The following MAMDC4 variants were observed in gnomAD, a reference collection of about 807,000 sequenced individuals.
MAMDC4 encodes the protein apical endosomal glycoprotein.
MAMDC4 carries 168 observed loss-of-function variants against 153.3 expected under a neutral mutation model. The observed-to-expected ratio is 1.10, with a 90% CI of 0.97 to 1.25. MAMDC4 has a LOEUF of 1.25. Ranked by LOEUF, MAMDC4 falls within the 50% of genes most tolerant of loss-of-function variation. MAMDC4 has a pLI of 0.00. For synonymous variants in MAMDC4, 744 were observed against 651.5 expected (o/e 1.14, Z -2.16); for missense variants, 1,701 against 1,542.8 (o/e 1.10, Z -1.72).
In MAMDC4 at chr9:136,855,494, C is replaced by T. The variant is rs540925078; in HGVS notation, c.1346C>T (p.Pro449Leu). 7 of 1,598,788 alleles carry T rather than the reference C, an allele frequency of 4.4e-6. No homozygotes were observed. Among genetic ancestry groups the T allele is most frequent in the Non-Finnish European group, 6.0e-6 (7 of 1,173,208 alleles). ...PRAPAPQPLP[P>L]SSRLQDSCKQ... ...GCCCCAGCCCCCCAGCCCCTGCCGC[C>T]CAGCTCGCGGCTCCAGGATTCCTGC... The change falls in exon 12 of 27, where the codon CCC becomes CTC. Residue 449 changes from proline to leucine, a missense_variant. Transcript: ENST00000317446.
intron 7 of MAMDC4, 30 bp downstream of exon 7, chr9:136,854,366 G>A: frequency 6.6e-7 from 1 of 1,516,914 alleles, no homozygotes; most frequent in Non-Finnish European, 8.8e-7. Flanking sequence ...CCAGAGTGAG[G>A]CTGGGAGACT....
At chr9:136,858,155 C>T (rs1214573772) in intron 20 of MAMDC4, 31 bp from the exon 21 acceptor site, 16 of 1,549,986 alleles carry the variant, frequency 1.0e-5, no homozygotes, top group African/African-American at 5.5e-5. Flanking sequence ...TGCCTGGACC[C>T]GCTGAGGCTG....
chr9:136,857,544 G>T lies in MAMDC4; in HGVS notation c.2284G>T (p.Ala762Ser), dbSNP rs765868600. Residue 762 changes from alanine (A) to serine (S), a missense_variant, in exon 18 of 27, where the codon GCC (alanine) becomes TCC (serine). Physicochemically the swap from Ala to Ser is moderately conservative, Grantham distance 99. Coordinates refer to ENST00000317446, the MANE Select transcript of MAMDC4 (RefSeq NM_206920.3). ...RRQANASGHA[A>S]WGPPTDHTTE... ...GCAGGCCAATGCCTCGGGCCATGCT[G>T]CCTGGGGCCCCCCAACAGACCATAC... 6.2e-7 allele frequency: 1 copy of T among 1,611,678 alleles called. No individual in the cohort carries two copies. The highest frequency in any genetic ancestry group is 8.5e-7 in the Non-Finnish European group (1 of 1,179,968).
chr9:136,859,404 C>A, intron 25 of MAMDC4, 87 bp downstream of exon 25: 1 of 1,212,086 alleles, frequency 8.3e-7, no homozygotes, highest in Non-Finnish European at 1.1e-6. Flanking sequence ...AGTGTGTGGT[C>A]CCAGGAGCTG....
rs1168840644 is a variant in MAMDC4, at chr9:136,857,730, G to A, written c.2398G>A (p.Glu800Lys). 1.9e-6 allele frequency: 3 copies of A among 1,612,468 alleles called. No homozygotes were observed. The highest frequency in any genetic ancestry group is 2.7e-5 in the African/African-American group (2 of 74,874). ...CCAGACGGCCTCCCTGACCTCCAAG[G>A]AGCACAGGCCCCTGGCCCAGCCTGC... ...RGQTASLTSK[E>K]HRPLAQPACL... Residue 800 changes from glutamate to lysine, a missense_variant, in exon 19 of 27, where the codon GAG (glutamate) becomes AAG (lysine). Transcript: ENST00000317446.
intron 21 of MAMDC4, 48 bp from the exon 22 acceptor site, chr9:136,858,352 A>C (rs1240673447): frequency 1.2e-6 from 2 of 1,600,184 alleles, no homozygotes; most frequent in Admixed American, 1.7e-5. Context: ...CGTGGTGCCC[A>C]GGGCTTGGGC....
chr9:136,859,660 GA>G lies in MAMDC4; in HGVS notation c.3194-223del. The G allele has an allele frequency of 8.3e-6, 5 of 603,430 alleles. No homozygotes were observed. The South Asian group carries it at 1.0e-4, about 12-fold the overall frequency. 37.4% of individuals were successfully genotyped at this position (603,430 alleles called of 1,614,324 possible). A position where few individuals can be genotyped will look rare whatever the true frequency, so the allele number is the denominator to read the frequency against. ...CACTGACTGCTCTCACTTGGTGAGG[GA>G]AAGAATCTCGCCTGGGGCCATGAGC... On this transcript the variant is annotated intron_variant, in intron 25 of 26. Coordinates refer to ENST00000317446, the MANE Select transcript of MAMDC4 (RefSeq NM_206920.3).
intron 14 of MAMDC4, chr9:136,856,422 G>A (rs568735755): frequency 2.5e-6 from 2 of 790,690 alleles, no homozygotes; most frequent in African/African-American, 3.4e-5. Flanking sequence ...GCTGGAGCGG[G>A]CCCTGACTTA....
intron 1 of MAMDC4, 124 bp downstream of exon 1, chr9:136,852,586 G>C (rs1480467384): frequency 7.8e-7 from 1 of 1,286,526 alleles, no homozygotes; most frequent in Admixed American, 1.7e-5. Context: ...AGGGTTGCAA[G>C]GTACTACCTT....
At chr9:136,852,598 G>T in intron 1 of MAMDC4, 136 bp downstream of exon 1, 1 of 1,153,962 alleles carries the variant, frequency 8.7e-7, no homozygotes. Flanking sequence ...TACTACCTTG[G>T]CCGGCCTGCA....
chr9:136,858,930 T>C, intron 23 of MAMDC4, 75 bp from the exon 24 acceptor site: 2 of 1,531,046 alleles, frequency 1.3e-6, no homozygotes, highest in Non-Finnish European at 1.8e-6. Context: ...GGAGGTGGCC[T>C]CCCCAGCCCG....
Position 136,854,107 on chromosome 9 carries a change from C to G in MAMDC4, c.670+31C>G, listed in dbSNP as rs770209558. On this transcript the variant is annotated intron_variant, in intron 6 of 26. Transcript: ENST00000317446. The stretch of plus-strand genomic sequence containing the variant: ...GCACCGCCTCTTCCTGTTCCACCCC[C>G]GGGAGGGCCCCCACCTGCCCACTCC... The G allele has an allele frequency of 6.2e-6, 10 of 1,611,302 alleles. No homozygotes were observed. In the South Asian group the frequency reaches 6.6e-5, roughly 11 times the overall value.
chr9:136,852,640 C>A (rs1478989554), intron 1 of MAMDC4, among the ~76,000 whole-genome samples, 178 bp downstream of exon 1: 1 of 152,212 alleles, frequency 6.6e-6, no homozygotes, highest in Non-Finnish European at 1.5e-5. Flanking sequence ...CCCATGGGGT[C>A]CTCGGGCCTG....
rs199991285 is a variant in MAMDC4, at chr9:136,857,417, C to T, written c.2157C>T (p.Asp719=). 376 of 1,608,084 alleles carry T rather than the reference C, an allele frequency of 2.3e-4. No homozygotes were observed. Among genetic ancestry groups the T allele is most frequent in the Non-Finnish European group, 2.7e-4 (319 of 1,179,924 alleles). Residue 719 remains aspartate (D), a synonymous_variant, in exon 18 of 27, where the codon GAC becomes GAT. Transcript: ENST00000317446. ...GATACCACGGCACCATGGCGCTGGA[C>T]GATGTGGCCGTGCGGCCGGGCCCCT... ...RDGYHGTMAL[D]DVAVRPGPCW...
Position 136,853,135 on chromosome 9 carries a change from A to G in MAMDC4, c.80A>G (p.His27Arg). Residue 27 changes from histidine (H) to arginine (R), a missense_variant, in exon 2 of 27, where the codon CAC (histidine) becomes CGC (arginine). Coordinates refer to ENST00000317446, the MANE Select transcript of MAMDC4 (RefSeq NM_206920.3). ...TCAGGCTGGGCCTGGGTCCCCAACC[A>G]CTGCAGGAGCCCTGGCCAGGCCGTG... ...GSSGWAWVPN[H>R]CRSPGQAVCN... 1.2e-6 allele frequency: 2 copies of G among 1,612,670 alleles called. No individual in the cohort carries two copies. The highest frequency in any genetic ancestry group is 1.7e-6 in the Non-Finnish European group (2 of 1,179,906).
chr9:136,852,632 C>T (rs1435672237), intron 1 of MAMDC4, among the ~76,000 whole-genome samples, 170 bp downstream of exon 1: 1 of 152,206 alleles, frequency 6.6e-6, no homozygotes, highest in East Asian at 1.9e-4. Flanking sequence ...GGAATCAGCC[C>T]ATGGGGTCCT....
chr9:136,855,341 G>A lies in MAMDC4; in HGVS notation c.1282+3G>A. ...TGACCACTGCAGACCAGTCTCGGGT[G>A]AGCCTGCTGACTCTGCCCTACCCTG... On this transcript the variant is annotated splice_donor_region_variant and intron_variant, in intron 11 of 26. Coordinates refer to ENST00000317446, the MANE Select transcript of MAMDC4 (RefSeq NM_206920.3). 1 of 1,603,486 alleles carries A rather than the reference G, an allele frequency of 6.2e-7. No homozygotes were observed. Among genetic ancestry groups the A allele is most frequent in the South Asian group, 1.1e-5 (1 of 89,976 alleles).
Position 136,857,996 on chromosome 9 carries a change from C to T in MAMDC4, c.2482C>T (p.Leu828=), listed in dbSNP as rs765226773. The change falls in exon 20 of 27, where the codon CTG becomes TTG. Residue 828 remains leucine (L), a synonymous_variant. Coordinates refer to ENST00000317446, the MANE Select transcript of MAMDC4 (RefSeq NM_206920.3). ...LRSPGTLRVY[L]EERGRHQVLS... is the part of the protein sequence containing the mutation. ...GCTGGCAGGCACCCTGCGGGTCTAC[C>T]TGGAGGAGCGCGGGAGGCACCAGGT... The T allele has an allele frequency of 3.8e-5, 58 of 1,521,428 alleles. No individual in the cohort carries two copies. In the African/African-American group the frequency reaches 6.2e-4, roughly 16 times the overall value. 94.2% of individuals were successfully genotyped at this position (1,521,428 alleles called of 1,614,324 possible).
At position 136,855,585 on chromosome 9, in the gene MAMDC4, G is replaced by A. The variant is rs1387031642; in HGVS notation, c.1437G>A (p.Glu479=). The part of the protein sequence containing the change: ...VPPEQLCDFE[E]QCAGGEDEQA... ...CGGAACAACTGTGTGACTTCGAGGA[G>A]CAGTGCGCAGGGGGCGAGGACGAGC... The change falls in exon 12 of 27, where the codon GAG becomes GAA. Residue 479 remains glutamate (E), a synonymous_variant. Coordinates refer to ENST00000317446, the MANE Select transcript of MAMDC4 (RefSeq NM_206920.3). The A allele has an allele frequency of 2.5e-6, 4 of 1,589,694 alleles. No homozygotes were observed. The highest frequency in any genetic ancestry group is 2.3e-5 in the East Asian group (1 of 43,930).
Sources: gnomAD v4.1 joint callset for allele counts (sites outside exome capture counted in the v4.1 genomes callset) on GRCh38, gnomAD v4.1.1 for gene constraint, MANE v1.5 for transcripts, NCBI Gene and HGNC (gene_info 2026-07-23, HGNC 2026-07-21) for gene names.